Variants in PRKN observed in about 807,000 individuals in gnomAD.
The protein encoded by PRKN is E3 ubiquitin-protein ligase parkin.
PRKN carries 56 observed loss-of-function variants against 59.5 expected under a neutral mutation model. The observed-to-expected ratio is 0.94, with a 90% CI of 0.76 to 1.18. The LOEUF is 1.18. Ranked by LOEUF, PRKN falls within the 50% of genes most tolerant of loss-of-function variation. The probability of loss-of-function intolerance (pLI) is 0.00; values close to 1 mark genes in which losing one functional copy is unlikely to be tolerated. For missense variants in PRKN, 657 were observed against 596.4 expected (o/e 1.10, Z -1.06); for synonymous variants, 250 against 222.1 (o/e 1.13, Z -1.12).
At chr6:161,730,160 C>T (rs910672198) in intron 7 of PRKN, among the ~76,000 whole-genome samples, 5 of 149,874 alleles carry the variant, frequency 3.3e-5, no homozygotes, top group Admixed American at 6.6e-5. Context: ...TGATGTGTTG[C>T]ATTCTTTCTG....
chr6:161,698,199 C>CA (rs752384904), intron 7 of PRKN, among the ~76,000 whole-genome samples: 12 of 151,634 alleles, frequency 7.9e-5, no homozygotes, highest in East Asian at 5.8e-4. Flanking sequence ...CAACAACATG[C>CA]AAAAAAAATC....
chr6:162,316,941 G>C (rs945580735), intron 2 of PRKN, among the ~76,000 whole-genome samples: 2 of 151,880 alleles, frequency 1.3e-5, no homozygotes, highest in Admixed American at 6.6e-5. Context: ...TTTTGATAGG[G>C]GTGCTCAAAA....
chr6:162,219,007 C>T (rs575110862), intron 3 of PRKN, among the ~76,000 whole-genome samples: 1 of 152,142 alleles, frequency 6.6e-6, no homozygotes, highest in African/African-American at 2.4e-5. Context: ...AACCCTGTCT[C>T]TACCTACATA....
intron 6 of PRKN, among the ~76,000 whole-genome samples, chr6:161,882,031 G>A (rs1794955293): frequency 6.6e-6 from 1 of 152,100 alleles, no homozygotes; most frequent in East Asian, 1.9e-4. Flanking sequence ...CACCCGGATA[G>A]CTAGCAGATT....
At chr6:162,379,952 C>T (rs1786338171) in intron 2 of PRKN, among the ~76,000 whole-genome samples, 1 of 152,114 alleles carries the variant, frequency 6.6e-6, no homozygotes, top group Non-Finnish European at 1.5e-5. Flanking sequence ...AGGGAGACAG[C>T]GTTTGGAAGC....
chr6:162,122,555 G>A (rs1228058970), intron 4 of PRKN, among the ~76,000 whole-genome samples: 1 of 152,078 alleles, frequency 6.6e-6, no homozygotes, highest in East Asian at 1.9e-4. Context: ...AACTCATTTT[G>A]CTGCAAAGGA....
intron 2 of PRKN, among the ~76,000 whole-genome samples, chr6:162,356,158 A>G (rs1324005419): frequency 6.6e-6 from 1 of 152,162 alleles, no homozygotes; most frequent in Non-Finnish European, 1.5e-5. Flanking sequence ...CTGTAATTAA[A>G]TATCTTCTAC....
At chr6:161,514,638 G>C (rs1317095724) in intron 9 of PRKN, among the ~76,000 whole-genome samples, 1 of 152,040 alleles carries the variant, frequency 6.6e-6, no homozygotes, top group Non-Finnish European at 1.5e-5. Flanking sequence ...ACTGGAGTTG[G>C]GGGATAGCCG....
intron 7 of PRKN, among the ~76,000 whole-genome samples, chr6:161,641,220 T>A (rs1783725203): frequency 6.6e-6 from 1 of 152,218 alleles, no homozygotes; most frequent in Non-Finnish European, 1.5e-5. Context: ...ATAAATTAGC[T>A]ACAAGGTTAG....
chr6:162,641,289 T>G (rs1777948025), intron 1 of PRKN, among the ~76,000 whole-genome samples: 1 of 145,858 alleles, frequency 6.9e-6, no homozygotes, highest in Non-Finnish European at 1.5e-5. Context: ...GAAAGAATAA[T>G]CTTTATGAGG....
chr6:162,313,067 A>AT (rs1207550965), intron 2 of PRKN, among the ~76,000 whole-genome samples: 2 of 152,108 alleles, frequency 1.3e-5, no homozygotes, highest in African/African-American at 4.8e-5. Context: ...AATGAAAATG[A>AT]TTTTTTTCTG....
chr6:162,285,830 C>T (rs1044829039), intron 2 of PRKN, among the ~76,000 whole-genome samples: 1 of 152,046 alleles, frequency 6.6e-6, no homozygotes, highest in African/African-American at 2.4e-5. Context: ...ACTTTGAAGC[C>T]AAAGCATGTT....
chr6:162,672,564 T>C (rs1779365378), intron 1 of PRKN, among the ~76,000 whole-genome samples: 1 of 152,182 alleles, frequency 6.6e-6, no homozygotes, highest in South Asian at 2.1e-4. Context: ...TTAAATATTA[T>C]ATTTAAAAAC....
chr6:162,143,803 A>C (rs2128311573), intron 4 of PRKN, among the ~76,000 whole-genome samples: 1 of 152,284 alleles, frequency 6.6e-6, no homozygotes, highest in Non-Finnish European at 1.5e-5. Context: ...AAAAATGAGA[A>C]GGCATTTGAT....
Position 162,023,248 on chromosome 6 carries a change from C to T in PRKN, c.618+30843G>A, listed in dbSNP as rs117451984. Among the ~76,000 whole-genome samples the T allele has an allele frequency of 5.1e-3, 770 of 152,206 alleles. 5 individuals are homozygous for T. The highest frequency in any genetic ancestry group is 9.4e-3 in the Admixed American group (143 of 15,294). On this transcript the variant is annotated intron_variant, in intron 5 of 11. Coordinates refer to ENST00000366898, the MANE Select transcript of PRKN (RefSeq NM_004562.3). ...ACAGGGTGTTCTCTTAGTTTGCCTA[C>T]GGGCACCTTGTGTTAATCAACTCAA...
At chr6:162,237,827 A>C (rs1778806342) in intron 3 of PRKN, among the ~76,000 whole-genome samples, 2 of 151,916 alleles carry the variant, frequency 1.3e-5, no homozygotes, top group African/African-American at 4.8e-5. Context: ...GGTGCATTTC[A>C]TTATCTCTCC....
At chr6:161,758,111 C>A (rs917564795) in intron 7 of PRKN, among the ~76,000 whole-genome samples, 2 of 151,412 alleles carry the variant, frequency 1.3e-5, no homozygotes, top group South Asian at 4.2e-4. Context: ...CTAGAACTCT[C>A]GTACATTCTG....
Position 161,843,868 on chromosome 6 carries a change from T to A in PRKN, c.735-57960A>T, listed in dbSNP as rs1167695601. 2.0e-5 allele frequency among the ~76,000 whole-genome samples: 3 copies of A among 152,110 alleles called. No homozygotes were observed. In the East Asian group the frequency reaches 5.8e-4, roughly 29 times the overall value. ...GATCATGTTGGTGCCCCATTCAAAC[T>A]CAGTTTGCATCGAGGGTGAATCTCC... On this transcript the variant is annotated intron_variant, in intron 6 of 11. Coordinates refer to ENST00000366898, the MANE Select transcript of PRKN (RefSeq NM_004562.3).
intron 3 of PRKN, among the ~76,000 whole-genome samples, chr6:162,231,785 G>A (rs1013909876): frequency 6.6e-6 from 1 of 152,132 alleles, no homozygotes; most frequent in African/African-American, 2.4e-5. Flanking sequence ...CACCTGATCC[G>A]CTGTCCCAAA....
Sources: allele counts gnomAD v4.1 joint callset (sites outside exome capture counted in the v4.1 genomes callset), GRCh38; gene constraint gnomAD v4.1.1; transcripts MANE v1.5; gene names NCBI Gene and HGNC (gene_info 2026-07-23, HGNC 2026-07-21).